PTPRR: variants seen among roughly 807,000 people sequenced by gnomAD.
The protein encoded by PTPRR is protein tyrosine phosphatase receptor type R.
Under a neutral mutation model 77.2 loss-of-function variants are expected in PTPRR, and 38 were observed. That is an observed-to-expected ratio of 0.49 (90% CI 0.38 to 0.65). The LOEUF is 0.65. PTPRR is among the 30% of genes least tolerant of loss of function. PTPRR has a pLI of 0.00. For synonymous variants in PTPRR, 299 were observed against 283.1 expected, an observed-to-expected ratio of 1.06 and a Z score of -0.57; for missense variants, 744 against 799.2, an observed-to-expected ratio of 0.93 and a Z score of 0.83.
intron 1 of PTPRR, among the ~76,000 whole-genome samples, chr12:70,894,656 A>G (rs986912462): frequency 1.1e-4 from 17 of 151,762 alleles, no homozygotes; most frequent in African/African-American, 4.1e-4. Context: ...ATATACATCT[A>G]AAACATTTTG....
At chr12:70,818,757 TTAAAGA>T (rs1216999712) in intron 2 of PTPRR, among the ~76,000 whole-genome samples, 1 of 152,114 alleles carries the variant, frequency 6.6e-6, no homozygotes, top group Non-Finnish European at 1.5e-5. Context: ...GATATTTATA[TTAAAGA>T]TATTTTCAGA....
At chr12:70,676,892 C>T (rs560843738) in intron 10 of PTPRR, among the ~76,000 whole-genome samples, 1 of 146,048 alleles carries the variant, frequency 6.8e-6, no homozygotes, top group African/African-American at 2.6e-5. Flanking sequence ...AATGATTTGG[C>T]TAGTCAAGAT....
chr12:70,823,073 T>C (rs906500624), intron 2 of PTPRR, among the ~76,000 whole-genome samples: 1 of 151,040 alleles, frequency 6.6e-6, no homozygotes, highest in African/African-American at 2.4e-5. Flanking sequence ...GTTCTCTCTC[T>C]CTCTTTTCTC....
chr12:70,737,875 T>C (rs534281164), intron 6 of PTPRR, among the ~76,000 whole-genome samples: 1 of 152,188 alleles, frequency 6.6e-6, no homozygotes, highest in Non-Finnish European at 1.5e-5. Context: ...TGCTCTGATA[T>C]GCAGTCATAT....
chr12:70,881,098 A>G lies in PTPRR; in HGVS notation c.357+11581T>C, dbSNP rs1420105419. On this transcript the variant is annotated intron_variant, in intron 2 of 13. Coordinates refer to ENST00000283228, the MANE Select transcript of PTPRR (RefSeq NM_002849.4). ...TGCTATACGCTGCCTAAAATTTCCT[A>G]TTTAAAAACAGACCAGCTTCAAAAA... 4.6e-5 allele frequency among the ~76,000 whole-genome samples: 7 copies of G among 152,262 alleles called. No homozygotes were observed. The East Asian group carries it at 9.7e-4, about 21-fold the overall frequency.
intron 2 of PTPRR, among the ~76,000 whole-genome samples, chr12:70,783,201 A>G (rs1282538963): frequency 1.3e-5 from 2 of 152,138 alleles, no homozygotes; most frequent in Non-Finnish European, 2.9e-5. Context: ...AAGTGTTAGA[A>G]CAGCTCAGAG....
chr12:70,683,028 G>GA (rs951756781), intron 10 of PTPRR, among the ~76,000 whole-genome samples: 1 of 151,972 alleles, frequency 6.6e-6, no homozygotes, highest in African/African-American at 2.4e-5. Context: ...TATAGTTCAG[G>GA]AAAAAAAGTT....
chr12:70,850,502 C>T (rs1592792158), intron 2 of PTPRR, among the ~76,000 whole-genome samples: 2 of 152,168 alleles, frequency 1.3e-5, no homozygotes, highest in East Asian at 3.8e-4. Context: ...GTGATGTTTT[C>T]CCATCACCGA....
intron 1 of PTPRR, 103 bp from the exon 2 acceptor site, chr12:70,893,080 C>G: frequency 1.6e-6 from 2 of 1,252,748 alleles, no homozygotes; most frequent in Non-Finnish European, 2.2e-6. Flanking sequence ...GGCTTTAAGA[C>G]TTGTGAAGGA....
At chr12:70,788,974 G>T in intron 2 of PTPRR, 1 of 1,169,194 alleles carries the variant, frequency 8.6e-7, no homozygotes, top group Non-Finnish European at 1.1e-6. Flanking sequence ...TAACCGCCTG[G>T]TACTGTTTCT....
intron 2 of PTPRR, among the ~76,000 whole-genome samples, chr12:70,819,558 G>A (rs1891967618): frequency 6.6e-6 from 1 of 152,168 alleles, no homozygotes; most frequent in Non-Finnish European, 1.5e-5. Flanking sequence ...TGTCTCATAA[G>A]ATGTAGACCA....
chr12:70,765,518 T>A (rs1340143951), intron 2 of PTPRR, among the ~76,000 whole-genome samples: 1 of 152,148 alleles, frequency 6.6e-6, no homozygotes, highest in African/African-American at 2.4e-5. Context: ...AAGCTCCAAC[T>A]GGGTGGAGCC....
intron 6 of PTPRR, among the ~76,000 whole-genome samples, chr12:70,705,752 T>C (rs1232188285): frequency 6.6e-6 from 1 of 151,916 alleles, no homozygotes; most frequent in African/African-American, 2.4e-5. Flanking sequence ...GAAAAGTATA[T>C]ATAATTTGTC....
At chr12:70,762,312 C>CAG (rs927100708) in intron 3 of PTPRR, among the ~76,000 whole-genome samples, 9 of 151,866 alleles carry the variant, frequency 5.9e-5, no homozygotes, top group Admixed American at 3.9e-4. Flanking sequence ...CACACACACA[C>CAG]AGAGAGCAGA....
At chr12:70,869,916 T>C (rs1050359441) in intron 2 of PTPRR, among the ~76,000 whole-genome samples, 2 of 152,176 alleles carry the variant, frequency 1.3e-5, no homozygotes, top group African/African-American at 4.8e-5. Context: ...CTACCATGTT[T>C]GCAGTCATAT....
chr12:70,677,525 A>G (rs1386041491), intron 10 of PTPRR, among the ~76,000 whole-genome samples: 3 of 152,156 alleles, frequency 2.0e-5, no homozygotes, highest in Admixed American at 1.3e-4. Flanking sequence ...TCCACATTCA[A>G]TATGATGTTT....
At chr12:70,696,257 T>A (rs1196097179) in intron 8 of PTPRR, among the ~76,000 whole-genome samples, 1 of 152,108 alleles carries the variant, frequency 6.6e-6, no homozygotes, top group Non-Finnish European at 1.5e-5. Flanking sequence ...TTGGGCAGTA[T>A]CTTTATTCTG....
At chr12:70,799,129 C>T (rs1378098867) in intron 2 of PTPRR, among the ~76,000 whole-genome samples, 1 of 152,172 alleles carries the variant, frequency 6.6e-6, no homozygotes, top group Non-Finnish European at 1.5e-5. Flanking sequence ...ACCTCCCTGA[C>T]CATACCTGTA....
At chr12:70,698,421 T>G in intron 7 of PTPRR, 72 bp from the exon 8 acceptor site, 2 of 1,308,116 alleles carry the variant, frequency 1.5e-6, no homozygotes, top group East Asian at 2.4e-5. Context: ...GGGGGGCATC[T>G]GATCCAGAGT....
Sources: allele counts gnomAD v4.1 joint callset (sites outside exome capture counted in the v4.1 genomes callset), GRCh38; gene constraint gnomAD v4.1.1; transcripts MANE v1.5; gene names NCBI Gene and HGNC (gene_info 2026-07-23, HGNC 2026-07-21).